PCSK5: variants seen among roughly 807,000 people sequenced by gnomAD.
PCSK5 encodes the protein prohormone convertase 5.
Under a neutral mutation model 233.2 loss-of-function variants are expected in PCSK5, and 129 were observed. The ratio of observed to expected loss-of-function variants is 0.55; its 90% confidence interval spans 0.48 to 0.64. PCSK5 has a LOEUF of 0.64. Among genes scored for constraint, PCSK5 ranks in the 30% least tolerant of loss-of-function variants. PCSK5 has a pLI of 0.00. For synonymous variants in PCSK5, 825 were observed against 879.2 expected (o/e 0.94, Z 1.09); for missense variants, 2,076 against 2,430.1 (o/e 0.85, Z 3.06).
At position 76,025,924 on chromosome 9, in the gene PCSK5, A is replaced by G. The variant is rs78520367; in HGVS notation, c.556-1037A>G. On this transcript the variant is annotated intron_variant, in intron 4 of 37. Transcript: ENST00000674117. ...CTAACTGAATTTTTAAAATACCAAA[A>G]TAATTAATTTTAAAAATAGTAAAAA... Among the ~76,000 whole-genome samples, 24 of 152,236 alleles carry G rather than the reference A, an allele frequency of 1.6e-4. No individual in the cohort carries two copies. The East Asian group carries it at 2.3e-3, about 15-fold the overall frequency.
At chr9:76,315,119 AT>A (rs761380480) in intron 30 of PCSK5, among the ~76,000 whole-genome samples, 33 of 147,090 alleles carry the variant, frequency 2.2e-4, no homozygotes, top group Admixed American at 4.1e-4. Flanking sequence ...CGCCCAGCTA[AT>A]TTTTTGTATT....
chr9:76,125,086 C>T (rs1039980670), intron 9 of PCSK5, among the ~76,000 whole-genome samples: 19 of 151,914 alleles, frequency 1.3e-4, no homozygotes, highest in Non-Finnish European at 1.8e-4. Flanking sequence ...TGTTCCCATT[C>T]TTTCCTTTGT....
intron 3 of PCSK5, among the ~76,000 whole-genome samples, chr9:75,996,502 G>A (rs1297908094): frequency 2.6e-5 from 4 of 152,128 alleles, no homozygotes; most frequent in Non-Finnish European, 5.9e-5. Context: ...TGATAACTGC[G>A]ATTTCATTGT....
intron 37 of PCSK5, 66 bp from the exon 38 acceptor site, chr9:76,358,447 T>G: frequency 2.4e-6 from 3 of 1,266,694 alleles, no homozygotes; most frequent in Admixed American, 2.3e-5. Context: ...CAGAAACTAA[T>G]TTTCTCTATT....
intron 2 of PCSK5, among the ~76,000 whole-genome samples, chr9:75,958,835 A>G (rs991121082): frequency 6.6e-6 from 1 of 152,236 alleles, no homozygotes; most frequent in Non-Finnish European, 1.5e-5. Context: ...CAAAAAGCAC[A>G]TTGTAAACTT....
chr9:76,078,054 T>C (rs1366200447), intron 7 of PCSK5, among the ~76,000 whole-genome samples: 1 of 152,184 alleles, frequency 6.6e-6, no homozygotes, highest in Non-Finnish European at 1.5e-5. Context: ...ATGTGGAAAA[T>C]TTTTTCATAT....
intron 22 of PCSK5, among the ~76,000 whole-genome samples, chr9:76,237,627 ATGG>A (rs1826290869): frequency 6.6e-6 from 1 of 150,502 alleles, no homozygotes; most frequent in African/African-American, 2.4e-5. Flanking sequence ...AAAAAAAAAA[ATGG>A]TTGGGCATGG....
In PCSK5 at chr9:75,891,317, G is replaced by A. The variant is rs762034139; in HGVS notation, c.136G>A (p.Gly46Ser). The change falls in exon 1 of 38, where the codon GGC becomes AGC. Residue 46 changes from glycine to serine, a missense_variant. Physicochemically the swap from Gly to Ser is moderately conservative, Grantham distance 56 (BLOSUM62 0). Transcript: ENST00000674117. ...TNHWAVKIAG[G>S]FPEANRIASK... Reference sequence around the variant, plus strand: ...CCACTGGGCAGTCAAAATCGCCGGGGGCTTCCCGGAGGCCAACCGTATCGC... The same window carrying A: ...CCACTGGGCAGTCAAAATCGCCGGGAGCTTCCCGGAGGCCAACCGTATCGC... 6.4e-7 allele frequency: 1 copy of A among 1,560,480 alleles called. No homozygotes were observed. The highest frequency in any genetic ancestry group is 8.6e-7 in the Non-Finnish European group (1 of 1,157,552).
intron 5 of PCSK5, among the ~76,000 whole-genome samples, chr9:76,049,288 A>G (rs1829538981): frequency 6.6e-6 from 1 of 152,188 alleles, no homozygotes. Flanking sequence ...AATATGGTGT[A>G]TATGCTAAAA....
At chr9:76,172,176 A>G (rs117779249) in intron 13 of PCSK5, among the ~76,000 whole-genome samples, 7 of 152,302 alleles carry the variant, frequency 4.6e-5, no homozygotes, top group Non-Finnish European at 7.3e-5. Flanking sequence ...TATTATTACA[A>G]TACATATTAA....
At chr9:76,083,571 G>C (rs757303381) in intron 7 of PCSK5, among the ~76,000 whole-genome samples, 30 of 152,228 alleles carry the variant, frequency 2.0e-4, no homozygotes, top group Admixed American at 7.8e-4. Context: ...TGTATTTAGG[G>C]GTCCAGATGG....
At chr9:75,938,281 A>C (rs1366233296) in intron 2 of PCSK5, among the ~76,000 whole-genome samples, 1 of 152,154 alleles carries the variant, frequency 6.6e-6, no homozygotes, top group Non-Finnish European at 1.5e-5. Context: ...GTATCTTAGG[A>C]AATAAGGAGG....
intron 24 of PCSK5, chr9:76,287,070 TG>T (rs1440543325): frequency 6.2e-6 from 1 of 162,064 alleles, no homozygotes; most frequent in East Asian, 1.9e-4. Flanking sequence ...GTGTCTAGTG[TG>T]GGGATAGTCT....
chr9:76,327,976 C>T, intron 32 of PCSK5, 33 bp from the exon 33 acceptor site: 1 of 1,425,536 alleles, frequency 7.0e-7, no homozygotes, highest in South Asian at 1.1e-5. Flanking sequence ...CTGGCTCTCG[C>T]TCACTCTGTC....
intron 2 of PCSK5, among the ~76,000 whole-genome samples, chr9:75,946,501 A>T (rs894132583): frequency 4.6e-5 from 7 of 152,182 alleles, no homozygotes; most frequent in Admixed American, 1.3e-4. Flanking sequence ...TTTTACTATT[A>T]GTCCATGTTG....
chr9:76,166,946 A>G (rs1232328161), intron 12 of PCSK5, among the ~76,000 whole-genome samples: 1 of 152,152 alleles, frequency 6.6e-6, no homozygotes, highest in Non-Finnish European at 1.5e-5. Context: ...GATTCAATGG[A>G]TGTAAGTTAA....
chr9:75,923,968 A>G (rs575064950), intron 1 of PCSK5, among the ~76,000 whole-genome samples: 33 of 152,036 alleles, frequency 2.2e-4, no homozygotes, highest in Non-Finnish European at 4.1e-4. Flanking sequence ...TCTTTCTCTA[A>G]TTGCTGCTTC....
chr9:75,949,817 C>T (rs1824762449), intron 2 of PCSK5, among the ~76,000 whole-genome samples: 1 of 152,156 alleles, frequency 6.6e-6, no homozygotes, highest in African/African-American at 2.4e-5. Context: ...AGCCACCGCG[C>T]CTGGCCTAAC....
At chr9:76,289,450 T>G (rs1828195918) in intron 24 of PCSK5, among the ~76,000 whole-genome samples, 2 of 147,142 alleles carry the variant, frequency 1.4e-5, no homozygotes, top group African/African-American at 5.1e-5. Flanking sequence ...TGTTTAAGAC[T>G]CCCTTCCCAT....
Sources: gnomAD v4.1 joint callset for allele counts (sites outside exome capture counted in the v4.1 genomes callset) on GRCh38, gnomAD v4.1.1 for gene constraint, MANE v1.5 for transcripts, NCBI Gene and HGNC (gene_info 2026-07-23, HGNC 2026-07-21) for gene names.